SLC38A6: variants seen among roughly 807,000 people sequenced by gnomAD.
The protein encoded by SLC38A6 is solute carrier family 38 member 6.
SLC38A6 carries 73 observed loss-of-function variants against 65.0 expected under a neutral mutation model. The ratio of observed to expected loss-of-function variants is 1.12; its 90% CI spans 0.93 to 1.37. SLC38A6 has a LOEUF of 1.37. Among genes scored for constraint, SLC38A6 ranks in the 40% most tolerant of loss-of-function variants. SLC38A6 has a pLI of 0.00. For missense variants in SLC38A6, 561 were observed against 531.1 expected, an observed-to-expected ratio of 1.06 and a Z score of -0.55; for synonymous variants, 183 against 178.8, an observed-to-expected ratio of 1.02 and a Z score of -0.19.
At chr14:61,023,563 A>AAATAAT (rs139726383) in intron 5 of SLC38A6, among the ~76,000 whole-genome samples, 2,372 of 141,484 alleles carry the variant, frequency 0.017, 94 homozygotes, top group South Asian at 0.1. Flanking sequence ...ACTGTCTCAA[A>AAATAAT]AATAATAATA....
At chr14:61,026,602 A>C (rs1021915589) in intron 5 of SLC38A6, among the ~76,000 whole-genome samples, 2 of 152,176 alleles carry the variant, frequency 1.3e-5, no homozygotes, top group Admixed American at 6.6e-5. Flanking sequence ...AAAAAGAAAA[A>C]TAATTCTGAA....
intron 3 of SLC38A6, among the ~76,000 whole-genome samples, chr14:61,003,624 A>G (rs2038863718): frequency 1.3e-5 from 2 of 152,232 alleles, no homozygotes; most frequent in South Asian, 4.1e-4. Context: ...GAATTTTAAA[A>G]GTATTTCCCT....
intron 15 of SLC38A6, among the ~76,000 whole-genome samples, chr14:61,077,215 C>T (rs1294500875): frequency 6.6e-6 from 1 of 152,190 alleles, no homozygotes; most frequent in Non-Finnish European, 1.5e-5. Context: ...TGAAAACTTT[C>T]TCATAGACCA....
chr14:61,065,504 C>T (rs1037521073), intron 15 of SLC38A6, among the ~76,000 whole-genome samples: 1 of 152,136 alleles, frequency 6.6e-6, no homozygotes, highest in South Asian at 2.1e-4. Flanking sequence ...CTATATTTAC[C>T]TACATATAAA....
intron 3 of SLC38A6, among the ~76,000 whole-genome samples, chr14:61,010,561 A>G (rs2039481944): frequency 6.6e-6 from 1 of 152,204 alleles, no homozygotes; most frequent in Non-Finnish European, 1.5e-5. Context: ...ATTTTTGTAT[A>G]AAGCGTAAGG....
chr14:61,000,325 C>T (rs1048843577), intron 3 of SLC38A6, among the ~76,000 whole-genome samples: 5 of 152,158 alleles, frequency 3.3e-5, no homozygotes, highest in Non-Finnish European at 5.9e-5. Context: ...TATGTGTAGT[C>T]AAACGTATCT....
chr14:61,018,972 A>G (rs772109266), intron 4 of SLC38A6, among the ~76,000 whole-genome samples: 2 of 152,020 alleles, frequency 1.3e-5, no homozygotes, highest in Non-Finnish European at 2.9e-5. Flanking sequence ...GCCAACTCCC[A>G]TTGTCTTATA....
chr14:60,982,371 G>T, intron 1 of SLC38A6, 137 bp from the exon 2 acceptor site: 1 of 1,072,158 alleles, frequency 9.3e-7, no homozygotes, highest in Non-Finnish European at 1.4e-6. Flanking sequence ...AATTAGTGTT[G>T]GTTAAGCAAC....
At chr14:60,986,372 A>G (rs967111896) in intron 3 of SLC38A6, among the ~76,000 whole-genome samples, 7 of 152,218 alleles carry the variant, frequency 4.6e-5, no homozygotes, top group African/African-American at 1.4e-4. Flanking sequence ...TTATAGCTCT[A>G]ACTTGTACCA....
intron 1 of SLC38A6, chr14:60,981,674 A>T: frequency 7.2e-7 from 1 of 1,398,568 alleles, no homozygotes; most frequent in South Asian, 1.2e-5. Flanking sequence ...CCCTAGGATT[A>T]TGTACTCACT....
intron 3 of SLC38A6, among the ~76,000 whole-genome samples, chr14:60,993,054 G>T (rs1157642233): frequency 6.6e-6 from 1 of 152,078 alleles, no homozygotes; most frequent in Non-Finnish European, 1.5e-5. Context: ...TACAGCGTTG[G>T]CCAGGCTGGT....
chr14:61,043,448 A>G lies in SLC38A6; in HGVS notation c.691-2A>G, dbSNP rs763663785. 1.2e-6 allele frequency: 2 copies of G among 1,604,892 alleles called. No homozygotes were observed. The highest frequency in any genetic ancestry group is 1.7e-5 in the Admixed American group (1 of 58,036). ...CTTTTTCCCCTCAATGCTCTTAAAC[A>G]GATTTCAAATGTTACAGATGATTGT... On this transcript the variant is annotated splice_acceptor_variant, in intron 9 of 15. Transcript: ENST00000267488. LOFTEE classifies it high-confidence loss of function.
At chr14:61,051,267 G>A (rs2042493369) in intron 13 of SLC38A6, among the ~76,000 whole-genome samples, 1 of 152,180 alleles carries the variant, frequency 6.6e-6, no homozygotes, top group African/African-American at 2.4e-5. Context: ...GTGGGCTGCA[G>A]TGCCAAGATT....
intron 3 of SLC38A6, among the ~76,000 whole-genome samples, chr14:61,012,871 T>G (rs181733654): frequency 2.0e-5 from 3 of 152,124 alleles, no homozygotes; most frequent in South Asian, 2.1e-4. Context: ...TTGATTTGGG[T>G]TGGAGAGTTC....
At chr14:61,020,432 A>C (rs1029951584) in intron 5 of SLC38A6, among the ~76,000 whole-genome samples, 2 of 152,162 alleles carry the variant, frequency 1.3e-5, no homozygotes, top group African/African-American at 4.8e-5. Context: ...CAGTTTTAAT[A>C]AACTTCAGCT....
chr14:61,041,201 A>T (rs117947910), intron 8 of SLC38A6, among the ~76,000 whole-genome samples: 1 of 152,084 alleles, frequency 6.6e-6, no homozygotes, highest in Non-Finnish European at 1.5e-5. Context: ...CTTCTTACCA[A>T]CCTAAGCAAG....
intron 8 of SLC38A6, among the ~76,000 whole-genome samples, chr14:61,041,208 C>A (rs943463160): frequency 6.6e-6 from 1 of 152,156 alleles, no homozygotes; most frequent in Non-Finnish European, 1.5e-5. Context: ...CCAACCTAAG[C>A]AAGGACTTCC....
chr14:61,045,081 A>T (rs2042054018), intron 10 of SLC38A6, among the ~76,000 whole-genome samples: 1 of 152,124 alleles, frequency 6.6e-6, no homozygotes, highest in Non-Finnish European at 1.5e-5. Context: ...AGAAGTAGTG[A>T]TTGTAGTAAA....
intron 7 of SLC38A6, 63 bp downstream of exon 7, chr14:61,037,204 A>C: frequency 8.0e-7 from 1 of 1,244,144 alleles, no homozygotes. Context: ...AGGGAAAGAG[A>C]GACAAATATT....
Sources: allele counts gnomAD v4.1 joint callset (sites outside exome capture counted in the v4.1 genomes callset), GRCh38; gene constraint gnomAD v4.1.1; transcripts MANE v1.5; gene names NCBI Gene and HGNC (gene_info 2026-07-23, HGNC 2026-07-21).